The following THSD4 variants were observed in gnomAD, a reference collection of about 807,000 sequenced individuals.
THSD4 encodes the protein thrombospondin type-1 domain-containing protein 4.
Under a neutral mutation model 119.0 loss-of-function variants are expected in THSD4, and 69 were observed. The ratio of observed to expected loss-of-function variants is 0.58; its 90% CI spans 0.48 to 0.71. The LOEUF is 0.71. THSD4 is among the 30% of genes least tolerant of loss of function. THSD4 has a pLI of 0.00. For synonymous variants in THSD4, 524 were observed against 540.4 expected, an observed-to-expected ratio of 0.97 and a Z score of 0.42; for missense variants, 1,393 against 1,391.1, an observed-to-expected ratio of 1.00 and a Z score of -0.02.
intron 7 of THSD4, among the ~76,000 whole-genome samples, chr15:71,542,399 A>G (rs200579756): frequency 6.6e-6 from 1 of 152,170 alleles, no homozygotes; most frequent in Admixed American, 6.5e-5. Context: ...GAAAAATACT[A>G]TCTTTACAGT....
At chr15:71,125,071 C>T (rs955589239) in intron 1 of THSD4, among the ~76,000 whole-genome samples, 8 of 150,582 alleles carry the variant, frequency 5.3e-5, no homozygotes, top group Non-Finnish European at 7.4e-5. Context: ...GAGACCCAGC[C>T]AGAAAGAGAA....
In THSD4 at chr15:71,777,490, C is replaced by T; in HGVS notation, c.*116C>T. On this transcript the variant is annotated 3_prime_UTR_variant, in exon 18 of 18. Transcript: ENST00000261862. Reference sequence around the variant, plus strand: ...CCCTGGCCCAGGCGCTGCCAACCAACTTAGTCACCACCCCTGCCTCCGGTG... The same window carrying T: ...CCCTGGCCCAGGCGCTGCCAACCAATTTAGTCACCACCCCTGCCTCCGGTG... 1 of 1,403,682 alleles carries T rather than the reference C, an allele frequency of 7.1e-7. No individual in the cohort carries two copies. The highest frequency in any genetic ancestry group is 2.5e-4 in the Middle Eastern group (1 of 3,944). 87.0% of individuals were successfully genotyped at this position (1,403,682 alleles called of 1,614,324 possible). A position where few individuals can be genotyped will look rare whatever the true frequency, so the allele number is the denominator to read the frequency against.
At chr15:71,171,702 T>G (rs940706743) in intron 3 of THSD4, among the ~76,000 whole-genome samples, 1 of 152,184 alleles carries the variant, frequency 6.6e-6, no homozygotes, top group African/African-American at 2.4e-5. Context: ...TTATAATATG[T>G]GTATAAGTAA....
At chr15:71,374,195 A>C (rs1378018628) in intron 6 of THSD4, among the ~76,000 whole-genome samples, 1 of 152,240 alleles carries the variant, frequency 6.6e-6, no homozygotes, top group Non-Finnish European at 1.5e-5. Context: ...GGAGTGGTAG[A>C]AACTCTCAAA....
At chr15:71,164,549 T>G (rs1380704942) in intron 3 of THSD4, among the ~76,000 whole-genome samples, 1 of 152,040 alleles carries the variant, frequency 6.6e-6, no homozygotes, top group Non-Finnish European at 1.5e-5. Context: ...ACCCCCATAC[T>G]GTACCAAGCA....
chr15:71,744,477 G>A (rs182108023), intron 11 of THSD4, among the ~76,000 whole-genome samples: 19 of 152,208 alleles, frequency 1.2e-4, no homozygotes, highest in Admixed American at 1.1e-3. Flanking sequence ...CATGAAAGAC[G>A]CTTGCCAAAG....
At chr15:71,614,077 A>G (rs926416595) in intron 7 of THSD4, among the ~76,000 whole-genome samples, 7 of 152,208 alleles carry the variant, frequency 4.6e-5, no homozygotes, top group Non-Finnish European at 1.0e-4. Context: ...CTTGTTCTCT[A>G]AAGAACCCTA....
intron 6 of THSD4, among the ~76,000 whole-genome samples, chr15:71,299,979 ATAT>A (rs1567186736): frequency 0.16 from 4,402 of 26,984 alleles, 72 homozygotes; most frequent in South Asian, 0.23. Context: ...AAAAAAAAAT[ATAT>A]ATATATATAT....
chr15:71,615,282 T>G (rs1013923606), intron 7 of THSD4, among the ~76,000 whole-genome samples: 2 of 152,292 alleles, frequency 1.3e-5, no homozygotes. Context: ...GGTCCCCTGG[T>G]CAGAGACTCC....
intron 8 of THSD4, among the ~76,000 whole-genome samples, chr15:71,705,800 C>G (rs872472): frequency 0.024 from 3,629 of 152,306 alleles, 116 homozygotes; most frequent in African/African-American, 0.063. Flanking sequence ...GAACTCTTCC[C>G]TCCAAGAGTT....
At chr15:71,595,423 T>C (rs894715616) in intron 7 of THSD4, among the ~76,000 whole-genome samples, 4 of 152,194 alleles carry the variant, frequency 2.6e-5, no homozygotes, top group African/African-American at 9.7e-5. Context: ...ATTAGAGGTT[T>C]CCGCTTTTGC....
intron 7 of THSD4, among the ~76,000 whole-genome samples, chr15:71,627,973 C>A (rs1370822886): frequency 6.6e-6 from 1 of 152,188 alleles, no homozygotes. Context: ...CTGGGCCCTT[C>A]CATATTCCAG....
rs181072250 is a variant in THSD4 at position 71,358,105 on chromosome 15, C to T, written c.1016-53582C>T. 5.1e-3 allele frequency among the ~76,000 whole-genome samples: 775 copies of T among 152,332 alleles called. 5 individuals are homozygous for T. The highest frequency in any genetic ancestry group is 9.0e-3 in the Non-Finnish European group (610 of 68,040). ...TTCTCCTTCTTTTCCAGACAAGTGC[C>T]TGTAGCACGGTCTTCCTGACCTTCC... On this transcript the variant is annotated intron_variant, in intron 6 of 17. Transcript: ENST00000261862.
chr15:71,284,603 A>G lies in THSD4; in HGVS notation c.1015+27888A>G, dbSNP rs114129277. ...TTTATTTTGACCCATGTAAATAATT[A>G]TCTTGTCTTCACATGTAAATAACCT... On this transcript the variant is annotated intron_variant, in intron 6 of 17. Transcript: ENST00000261862. 4.1e-3 allele frequency among the ~76,000 whole-genome samples: 626 copies of G among 152,342 alleles called. 3 individuals are homozygous for G. Among genetic ancestry groups the G allele is most frequent in the African/African-American group, 0.014 (596 of 41,588 alleles).
chr15:71,211,199 T>G (rs559643369), intron 3 of THSD4, among the ~76,000 whole-genome samples: 1 of 152,350 alleles, frequency 6.6e-6, no homozygotes, highest in South Asian at 2.1e-4. Context: ...TTGCATTATT[T>G]TCATTATATG....
At chr15:71,710,813 T>C (rs1377058909) in intron 8 of THSD4, among the ~76,000 whole-genome samples, 1 of 152,030 alleles carries the variant, frequency 6.6e-6, no homozygotes, top group East Asian at 1.9e-4. Flanking sequence ...TCTAGTTCTG[T>C]ATCAAAGCTG....
chr15:71,534,057 A>C (rs926244208), intron 7 of THSD4, among the ~76,000 whole-genome samples: 10 of 152,168 alleles, frequency 6.6e-5, no homozygotes, highest in African/African-American at 2.4e-4. Context: ...GCGCGATCCC[A>C]GCTCACCACA....
At chr15:71,336,657 A>C (rs2045493138) in intron 6 of THSD4, among the ~76,000 whole-genome samples, 1 of 152,292 alleles carries the variant, frequency 6.6e-6, no homozygotes, top group South Asian at 2.1e-4. Context: ...TGCTTTCCAA[A>C]CCCAAATCTA....
At chr15:71,525,250 A>T (rs1040376006) in intron 7 of THSD4, among the ~76,000 whole-genome samples, 1 of 152,204 alleles carries the variant, frequency 6.6e-6, no homozygotes, top group Non-Finnish European at 1.5e-5. Flanking sequence ...GATGAGGAAC[A>T]TGAGGCACAT....
Sources: gnomAD v4.1 joint callset for allele counts (sites outside exome capture counted in the v4.1 genomes callset) on GRCh38, gnomAD v4.1.1 for gene constraint, MANE v1.5 for transcripts, NCBI Gene and HGNC (gene_info 2026-07-23, HGNC 2026-07-21) for gene names.